Variants in ADAMTSL5 observed in about 807,000 individuals in gnomAD.
ADAMTSL5 encodes ADAMTS-like protein 5.
In ADAMTSL5, 53 loss-of-function variants were observed where a neutral mutation model predicts 51.7. The ratio of observed to expected loss-of-function variants is 1.03; its 90% confidence interval spans 0.82 to 1.29. ADAMTSL5 has a LOEUF of 1.29. Ranked by LOEUF, ADAMTSL5 falls within the 50% of genes most tolerant of loss-of-function variation. The pLI, the probability that ADAMTSL5 is intolerant of heterozygous loss-of-function variation, is 0.00. For synonymous variants in ADAMTSL5, 285 were observed against 278.7 expected (o/e 1.02, Z -0.23); for missense variants, 770 against 676.2 (o/e 1.14, Z -1.54).
At chr19:1,507,116 C>T in intron 9 of ADAMTSL5, 126 bp downstream of exon 9, 1 of 1,322,420 alleles carries the variant, frequency 7.6e-7, no homozygotes, top group South Asian at 1.5e-5. Flanking sequence ...TCTGTCCCAG[C>T]CTCTCCCCTC....
rs184545748 is a variant in ADAMTSL5, at chr19:1,511,582, G to A, written c.-217-422C>T. 6,341 of 1,259,536 alleles carry A rather than the reference G, an allele frequency of 5.0e-3. 13 individuals are homozygous for A. The highest frequency in any genetic ancestry group is 6.1e-3 in the Middle Eastern group (28 of 4,568). The allele number at this position is 1,259,536 out of a possible 1,614,324, so 78.0% of individuals were successfully genotyped here. ...AAATAGTACACAGGTGCCTCCTAGG[G>A]CTGGGGCCCCCTCCCCGCCCTCCCC... is the stretch of plus-strand genomic sequence containing the variant. On this transcript the variant is annotated intron_variant, in intron 1 of 11. Coordinates refer to ENST00000330475, the MANE Select transcript of ADAMTSL5 (RefSeq NM_213604.3).
chr19:1,507,198 T>C, intron 9 of ADAMTSL5, 44 bp downstream of exon 9: 1 of 1,516,972 alleles, frequency 6.6e-7, no homozygotes, highest in Non-Finnish European at 8.8e-7. Context: ...CTCCCCTCTG[T>C]CCCCAGCCGA....
rs1050757434 is a variant in ADAMTSL5, at chr19:1,505,831, G to C, written c.*184C>G. The C allele has an allele frequency of 1.4e-6, 1 of 708,888 alleles. No homozygotes were observed. Among genetic ancestry groups the C allele is most frequent in the African/African-American group, 1.9e-5 (1 of 53,488 alleles). 43.9% of individuals were successfully genotyped at this position (708,888 alleles called of 1,614,324 possible). ...CCTCCTCACCAGTGCCTGCCGGCTT[G>C]TGACAGTGGCTTTGACTGCATGCAG... On this transcript the variant is annotated 3_prime_UTR_variant, in exon 12 of 12. Coordinates refer to ENST00000330475, the MANE Select transcript of ADAMTSL5 (RefSeq NM_213604.3).
At chr19:1,508,633 A>G in intron 5 of ADAMTSL5, 63 bp from the exon 6 acceptor site, 1 of 1,442,650 alleles carries the variant, frequency 6.9e-7, no homozygotes. Context: ...CCCTCTACCA[A>G]GCTTCATCAG....
At chr19:1,512,063 C>T (rs985159393) in intron 1 of ADAMTSL5, among the ~76,000 whole-genome samples, 8 of 151,828 alleles carry the variant, frequency 5.3e-5, no homozygotes, top group Non-Finnish European at 1.2e-4. Context: ...CATCCACACC[C>T]TCCTCATGAC....
chr19:1,511,574 C>A (rs1913264545), intron 1 of ADAMTSL5: 6 of 1,249,608 alleles, frequency 4.8e-6, no homozygotes, highest in Non-Finnish European at 6.2e-6. Context: ...ACACAGGTGC[C>A]TCCTAGGGCT....
At position 1,510,629 on chromosome 19, in the gene ADAMTSL5, C is replaced by A; in HGVS notation, c.191+10G>T. On this transcript the variant is annotated intron_variant, in intron 3 of 11. Transcript: ENST00000330475. ...AGGAGGGGCAGGGACCCCCTCCGGG[C>A]CCCGCTCACCGGAGGCAGCGCCGGC... 2.6e-6 allele frequency: 4 copies of A among 1,530,264 alleles called. No individual in the cohort carries two copies. The highest frequency in any genetic ancestry group is 2.6e-6 in the Non-Finnish European group (3 of 1,137,474). 94.8% of individuals were successfully genotyped at this position (1,530,264 alleles called of 1,614,324 possible).
At chr19:1,507,486 C>T in intron 8 of ADAMTSL5, 71 bp downstream of exon 8, 1 of 1,611,830 alleles carries the variant, frequency 6.2e-7, no homozygotes, top group Non-Finnish European at 8.5e-7. Context: ...CCTCAGTCTC[C>T]CCATCTGTAA....
chr19:1,506,824 C>G lies in ADAMTSL5; in HGVS notation c.957G>C (p.Leu319=). ...QARVQALGWP[L]RQPQPRGVEP... is the part of the protein sequence containing the mutation. The stretch of plus-strand genomic sequence containing the variant: ...CCACCCCCCGGGGCTGAGGCTGCCT[C>G]AGGGGCCAGCCCAGGGCCTGCACAC... The change falls in exon 10 of 12, where the codon CTG becomes CTC. Residue 319 remains leucine, a synonymous_variant. Coordinates refer to ENST00000330475, the MANE Select transcript of ADAMTSL5 (RefSeq NM_213604.3). The surrounding 1 kb of genome is among the most constrained non-coding windows in gnomAD (Gnocchi z 5.6). The G allele has an allele frequency of 6.5e-7, 1 of 1,541,074 alleles. No individual in the cohort carries two copies. The highest frequency in any genetic ancestry group is 1.4e-5 in the African/African-American group (1 of 72,524).
At position 1,510,661 on chromosome 19, in the gene ADAMTSL5, C is replaced by A. The variant is rs746419217; in HGVS notation, c.169G>T (p.Val57Leu). Residue 57 changes from valine to leucine, a missense_variant, in exon 3 of 12, where the codon GTG (valine) becomes TTG (leucine). Physicochemically the swap from Val to Leu is conservative, Grantham distance 32. Transcript: ENST00000330475. ...CSSSCGRGVS[V>L]RSRRCLRLPG... ...CACCGGAGGCAGCGCCGGCTGCGCA[C>A]AGAGACGCCACGCCCGCAGGAGCTG... 1.3e-6 allele frequency: 2 copies of A among 1,539,942 alleles called. No homozygotes were observed. Among genetic ancestry groups the A allele is most frequent in the Non-Finnish European group, 1.8e-6 (2 of 1,142,150 alleles).
At position 1,506,689 on chromosome 19, in the gene ADAMTSL5, C is replaced by T; in HGVS notation, c.1043-28G>A. ...GTGGGATGGGCGGTGCTGTGAGGGGCACAGGCCTCAGTCCCCACTCATCCC... is the reference window on the plus strand; with the variant it reads ...GTGGGATGGGCGGTGCTGTGAGGGGTACAGGCCTCAGTCCCCACTCATCCC... On this transcript the variant is annotated intron_variant, in intron 10 of 11. Coordinates refer to ENST00000330475, the MANE Select transcript of ADAMTSL5 (RefSeq NM_213604.3). The surrounding 1 kb of genome is among the most constrained non-coding windows in gnomAD (Gnocchi z 5.6). 9 of 1,581,294 alleles carry T rather than the reference C, an allele frequency of 5.7e-6. No homozygotes were observed. Among genetic ancestry groups the T allele is most frequent in the Non-Finnish European group, 7.7e-6 (9 of 1,165,206 alleles).
In ADAMTSL5 at chr19:1,506,772, CA is replaced by C. The variant is rs1309463566; in HGVS notation, c.1008del (p.Val337SerfsTer91). ...AGCGTTGGGGTCTGTGCAGGGGTGA[CA>C]GCAGGGGCTGCGGGGGGCTGAGGCT... ...GVEPQPPAAP[A>X]VTPAQTPTLA... On this transcript the variant is annotated frameshift_variant, in exon 10 of 12. Coordinates refer to ENST00000330475, the MANE Select transcript of ADAMTSL5 (RefSeq NM_213604.3). LOFTEE classifies it high-confidence loss of function. This position sits in a 1 kb window ranked among gnomAD's most constrained non-coding sequence, Gnocchi z 5.6. 6.5e-7 allele frequency: 1 copy of C among 1,548,116 alleles called. No individual in the cohort carries two copies.
intron 5 of ADAMTSL5, 162 bp from the exon 6 acceptor site, chr19:1,508,732 G>T: frequency 1.0e-6 from 1 of 988,530 alleles, no homozygotes; most frequent in Non-Finnish European, 1.4e-6. Flanking sequence ...GACCGTAGGT[G>T]CTCTGCGTCC....
rs1197673034 is a variant in ADAMTSL5, at chr19:1,506,743, G to A, written c.1038C>T (p.Ala346=). 6.4e-7 allele frequency: 1 copy of A among 1,555,984 alleles called. No homozygotes were observed. The highest frequency in any genetic ancestry group is 8.7e-7 in the Non-Finnish European group (1 of 1,149,572). ...CCCTGGCTGTCCCCACCTCACCTGG[G>A]GCCAGCGTTGGGGTCTGTGCAGGGG... The part of the protein sequence containing the change: ...AVTPAQTPTL[A]PDPCPPCPDT... The change falls in exon 10 of 12, where the codon GCC becomes GCT. Residue 346 remains alanine, a synonymous_variant. Transcript: ENST00000330475. The surrounding 1 kb of genome is among the most constrained non-coding windows in gnomAD (Gnocchi z 5.6).
rs1462335345 is a variant in ADAMTSL5, at chr19:1,511,629, C to T, written c.-217-469G>A. ...CCCCACCATCACTGCTTCTACCTTT[C>T]CGTGTGGCCTGAGGCCAGCCACTCC... On this transcript the variant is annotated intron_variant, in intron 1 of 11. Transcript: ENST00000330475. 4.3e-5 allele frequency: 52 copies of T among 1,202,962 alleles called. No homozygotes were observed. The Admixed American group carries it at 1.2e-3, about 28-fold the overall frequency. 74.5% of individuals were successfully genotyped at this position (1,202,962 alleles called of 1,614,324 possible).
chr19:1,508,236 A>T, intron 6 of ADAMTSL5, 127 bp from the exon 7 acceptor site: 3 of 1,134,914 alleles, frequency 2.6e-6, no homozygotes, highest in Non-Finnish European at 3.6e-6. Context: ...AGGGAGGAGC[A>T]GGACCTGGCG....
At position 1,506,261 on chromosome 19, in the gene ADAMTSL5, C is replaced by T; in HGVS notation, c.1170G>A (p.Glu390=). 1 of 1,568,826 alleles carries T rather than the reference C, an allele frequency of 6.4e-7. No individual in the cohort carries two copies. Among genetic ancestry groups the T allele is most frequent in the Non-Finnish European group, 8.7e-7 (1 of 1,154,342 alleles). ...TCTTGTAGACGAGCTGGATGCGCAC[C>T]TCATAGCGGGTCTCCTGGGCCTGGT... ...HHHQAQETRY[E]VRIQLVYKNR... Residue 390 remains glutamate (E), a synonymous_variant, in exon 12 of 12, where the codon GAG becomes GAA. Coordinates refer to ENST00000330475, the MANE Select transcript of ADAMTSL5 (RefSeq NM_213604.3). This position sits in a 1 kb window ranked among gnomAD's most constrained non-coding sequence, Gnocchi z 5.6.
chr19:1,510,646 AGCGCCGGCT>A lies in ADAMTSL5; in HGVS notation c.175_183del (p.Ser59_Arg61del), dbSNP rs2145512932. 6.5e-7 allele frequency: 1 copy of A among 1,536,774 alleles called. No homozygotes were observed. Among genetic ancestry groups the A allele is most frequent in the East Asian group, 2.5e-5 (1 of 39,926 alleles). Reference sequence around the variant, plus strand: ...CCTCCGGGCCCCGCTCACCGGAGGCAGCGCCGGCTGCGCACAGAGACGCCACGCCCGCAG... The same window carrying A: ...CCTCCGGGCCCCGCTCACCGGAGGCAGCGCACAGAGACGCCACGCCCGCAG... On this transcript the variant is annotated inframe_deletion, in exon 3 of 12. Transcript: ENST00000330475.
At chr19:1,512,578 G>A (rs1421302956) in intron 1 of ADAMTSL5, among the ~76,000 whole-genome samples, 4 of 152,210 alleles carry the variant, frequency 2.6e-5, no homozygotes, top group Admixed American at 2.0e-4. Flanking sequence ...TACTTGGGAG[G>A]CTAAGGCAGG....
Sources: gnomAD v4.1 joint callset for allele counts (sites outside exome capture counted in the v4.1 genomes callset) on GRCh38, gnomAD v4.1.1 for gene constraint, Gnocchi (gnomAD v3.1) non-coding constraint, MANE v1.5 for transcripts, NCBI Gene and HGNC (gene_info 2026-07-23, HGNC 2026-07-21) for gene names.